The following KIAA2012 variants were observed in gnomAD, a reference collection of about 807,000 sequenced individuals.
KIAA2012 encodes uncharacterized protein KIAA2012.
Under a neutral mutation model 150.6 loss-of-function variants are expected in KIAA2012, and 125 were observed. The ratio of observed to expected loss-of-function variants is 0.83; its 90% CI spans 0.72 to 0.96. The LOEUF is 0.96. Among genes scored for constraint, KIAA2012 ranks in the 40% least tolerant of loss-of-function variants. The pLI, the probability that KIAA2012 is intolerant of heterozygous loss-of-function variation, is 0.00. For missense variants in KIAA2012, 1,219 were observed against 1,354.9 expected (o/e 0.90, Z 1.57); for synonymous variants, 462 against 504.7 (o/e 0.92, Z 1.13).
intron 2 of KIAA2012, among the ~76,000 whole-genome samples, chr2:202,086,886 T>A (rs1464785942): frequency 2.6e-5 from 4 of 152,180 alleles, no homozygotes; most frequent in African/African-American, 9.7e-5. Context: ...TCATCCCCTT[T>A]TTTCCAGTGC....
chr2:202,109,545 A>C, intron 9 of KIAA2012, 68 bp from the exon 10 acceptor site: 2 of 1,385,706 alleles, frequency 1.4e-6, no homozygotes, highest in Non-Finnish European at 1.9e-6. Context: ...AAGTTAGAAG[A>C]GAGCTTCCTT....
Position 202,167,025 on chromosome 2 carries a change from T to C in KIAA2012, c.2119+1669T>C, listed in dbSNP as rs534398811. Among the ~76,000 whole-genome samples, 5 of 152,032 alleles carry C rather than the reference T, an allele frequency of 3.3e-5. No individual in the cohort carries two copies. The East Asian group carries it at 9.7e-4, about 30-fold the overall frequency. On this transcript the variant is annotated intron_variant, in intron 15 of 23. Transcript: ENST00000498697. ...GTCTCTACTAAAAAATACAAAAAAT[T>C]AGCCAGGTGCGGTGGCGGGTGCCTG...
chr2:202,160,515 A>G (rs112991830), intron 14 of KIAA2012, among the ~76,000 whole-genome samples: 59,692 of 151,686 alleles, frequency 0.39, 12,139 homozygotes, highest in East Asian at 0.62. Context: ...GGGTTTTACC[A>G]TGTTAGCCAG....
chr2:202,181,340 T>C (rs1004058129), intron 15 of KIAA2012, among the ~76,000 whole-genome samples: 2 of 152,160 alleles, frequency 1.3e-5, no homozygotes, highest in East Asian at 1.9e-4. Flanking sequence ...CTTTGGGAAG[T>C]TGAGGCAGGA....
chr2:202,200,431 TG>T (rs894686597), intron 22 of KIAA2012, among the ~76,000 whole-genome samples: 61 of 152,138 alleles, frequency 4.0e-4, no homozygotes, highest in African/African-American at 1.4e-3. Flanking sequence ...GATCTGTGCT[TG>T]GGGCACAGAG....
intron 2 of KIAA2012, 141 bp downstream of exon 2, chr2:202,075,316 T>C (rs1689303237): frequency 2.1e-6 from 2 of 966,356 alleles, no homozygotes; most frequent in African/African-American, 1.7e-5. Context: ...TAAAATGAGA[T>C]TGACTGTACT....
At position 202,109,738 on chromosome 2, in the gene KIAA2012, C is replaced by T; in HGVS notation, c.1600C>T (p.Pro534Ser). 1 of 1,550,330 alleles carries T rather than the reference C, an allele frequency of 6.5e-7. No individual in the cohort carries two copies. The highest frequency in any genetic ancestry group is 8.7e-7 in the Non-Finnish European group (1 of 1,146,874). The change falls in exon 10 of 24, where the codon CCA (proline) becomes TCA (serine). Residue 534 changes from proline (P) to serine (S), a missense_variant. Physicochemically the swap from Pro to Ser is moderately conservative, Grantham distance 74. Transcript: ENST00000498697. The stretch of plus-strand genomic sequence containing the variant: ...TAGGACATCAGACCACAACAGCCCC[C>T]CAAGTCTCCCGAACATGAGAGTGCC... ...SPRTSDHNSP[P>S]SLPNMRVPRR...
At chr2:202,128,042 C>T (rs1690838217) in intron 12 of KIAA2012, among the ~76,000 whole-genome samples, 1 of 151,900 alleles carries the variant, frequency 6.6e-6, no homozygotes, top group African/African-American at 2.4e-5. Context: ...CTAGTTAACT[C>T]CTGCTAATCC....
intron 13 of KIAA2012, among the ~76,000 whole-genome samples, chr2:202,141,343 T>C (rs764178148): frequency 2.6e-5 from 4 of 151,450 alleles, no homozygotes; most frequent in African/African-American, 4.9e-5. Flanking sequence ...GCAACTGATA[T>C]CAGCAACTTC....
chr2:202,078,318 T>G (rs905874231), intron 2 of KIAA2012, among the ~76,000 whole-genome samples: 11 of 152,220 alleles, frequency 7.2e-5, no homozygotes, highest in African/African-American at 2.7e-4. Flanking sequence ...GAGACAGGGT[T>G]TCCTCTGTTA....
chr2:202,201,793 C>T (rs1278672475), intron 22 of KIAA2012: 1 of 1,302,610 alleles, frequency 7.7e-7, no homozygotes, highest in Admixed American at 1.7e-5. Context: ...TAGGGTAGAG[C>T]CTGAGAAAGA....
At chr2:202,099,852 C>T (rs1182963000) in intron 6 of KIAA2012, 56 bp downstream of exon 6, 1 of 1,404,296 alleles carries the variant, frequency 7.1e-7, no homozygotes, top group African/African-American at 1.4e-5. Context: ...ATGCAGAGTT[C>T]ATTTAAGGAC....
At chr2:202,117,067 C>T (rs555040213) in intron 11 of KIAA2012, 1 of 152,246 alleles carries the variant, frequency 6.6e-6, no homozygotes, top group Non-Finnish European at 1.5e-5. Flanking sequence ...ATGACTGCAT[C>T]CCTGGCTGAC....
At chr2:202,086,399 G>T (rs1194713915) in intron 2 of KIAA2012, among the ~76,000 whole-genome samples, 1 of 152,048 alleles carries the variant, frequency 6.6e-6, no homozygotes, top group Non-Finnish European at 1.5e-5. Context: ...TCGTCTAAAG[G>T]CTCCATATTT....
intron 15 of KIAA2012, chr2:202,179,447 C>T (rs1322364792): frequency 4.2e-6 from 3 of 717,714 alleles, no homozygotes; most frequent in African/African-American, 1.8e-5. Flanking sequence ...CGAGAAAAAA[C>T]AGAAATTCAT....
At chr2:202,110,381 C>G (rs150206109) in intron 10 of KIAA2012, among the ~76,000 whole-genome samples, 1 of 152,178 alleles carries the variant, frequency 6.6e-6, no homozygotes, top group Non-Finnish European at 1.5e-5. Flanking sequence ...GCAGCTCCCC[C>G]GGGGCTTCCA....
chr2:202,113,255 C>G, intron 10 of KIAA2012, 81 bp from the exon 11 acceptor site: 1 of 1,062,918 alleles, frequency 9.4e-7, no homozygotes, highest in Non-Finnish European at 1.4e-6. Context: ...CGCGGGGGAC[C>G]AGGGGAACAT....
chr2:202,102,874 G>A, intron 7 of KIAA2012, 72 bp from the exon 8 acceptor site: 1 of 1,359,992 alleles, frequency 7.4e-7, no homozygotes, highest in Non-Finnish European at 1.0e-6. Flanking sequence ...ATAAGAGACA[G>A]TATCGTTTGC....
chr2:202,097,378 C>T, intron 4 of KIAA2012, 57 bp from the exon 5 acceptor site: 1 of 1,541,446 alleles, frequency 6.5e-7, no homozygotes, highest in Non-Finnish European at 8.8e-7. Context: ...TTGGAGGCAG[C>T]AAGAACACCA....
Sources: allele counts gnomAD v4.1 joint callset (sites outside exome capture counted in the v4.1 genomes callset), GRCh38; gene constraint gnomAD v4.1.1; transcripts MANE v1.5; gene names NCBI Gene and HGNC (gene_info 2026-07-23, HGNC 2026-07-21).